Variants in GALNT13 observed in about 807,000 individuals in gnomAD.
GALNT13 encodes UDP-GalNAc:polypeptide N-acetylgalactosaminyltransferase 13.
Under a neutral mutation model 64.2 loss-of-function variants are expected in GALNT13, and 28 were observed. That is an observed-to-expected ratio of 0.44 (90% CI 0.32 to 0.60). The LOEUF (loss-of-function observed/expected upper bound fraction) is 0.60, where lower values mean the gene tolerates loss of function less well. Among genes scored for constraint, GALNT13 ranks in the 20% least tolerant of loss-of-function variants. The probability of loss-of-function intolerance (pLI) is 0.05; values close to 1 mark genes in which losing one functional copy is unlikely to be tolerated. For missense variants in GALNT13, 577 were observed against 669.8 expected, an observed-to-expected ratio of 0.86 and a Z score of 1.53; for synonymous variants, 214 against 224.6, an observed-to-expected ratio of 0.95 and a Z score of 0.42.
the GALNT13 span, among the ~76,000 whole-genome samples, chr2:153,809,985 C>T: frequency 2.0e-5 from 3 of 152,046 alleles, no homozygotes; most frequent in East Asian, 5.8e-4. Flanking sequence ...TGTTTTGAGA[C>T]AGAGTTGCTC....
chr2:153,408,942 C>A, the GALNT13 span, among the ~76,000 whole-genome samples: 1 of 152,226 alleles, frequency 6.6e-6, no homozygotes, highest in South Asian at 2.1e-4. Flanking sequence ...CAGCTAGAAA[C>A]AGCAGGCAGA....
intron 9 of GALNT13, among the ~76,000 whole-genome samples, chr2:154,343,334 T>C (rs929357098): frequency 1.1e-4 from 16 of 152,054 alleles, no homozygotes; most frequent in African/African-American, 2.9e-4. Context: ...AGTAAATATA[T>C]ATATTTGCTT....
At chr2:154,144,039 A>G (rs1382174386) in intron 4 of GALNT13, among the ~76,000 whole-genome samples, 1 of 152,160 alleles carries the variant, frequency 6.6e-6, no homozygotes, top group African/African-American at 2.4e-5. Context: ...AAAATCCTGT[A>G]TATACTGTGG....
At chr2:153,903,745 C>A (rs1688383419) in intron 2 of GALNT13, among the ~76,000 whole-genome samples, 1 of 151,890 alleles carries the variant, frequency 6.6e-6, no homozygotes, top group Non-Finnish European at 1.5e-5. Flanking sequence ...TTCTATTTTT[C>A]AATTTCACCT....
At chr2:153,225,064 A>T in the GALNT13 span, among the ~76,000 whole-genome samples, 1 of 152,222 alleles carries the variant, frequency 6.6e-6, no homozygotes, top group South Asian at 2.1e-4. Context: ...TCTCATGAAC[A>T]TATAGGTAAA....
chr2:153,204,176 C>T, the GALNT13 span, among the ~76,000 whole-genome samples: 1 of 152,210 alleles, frequency 6.6e-6, no homozygotes, highest in Non-Finnish European at 1.5e-5. Context: ...TTAGGAAACT[C>T]CCAAATTGTC....
the GALNT13 span, among the ~76,000 whole-genome samples, chr2:153,077,315 ATTATAT>A: frequency 5.8e-4 from 89 of 152,240 alleles, no homozygotes; most frequent in African/African-American, 2.0e-3. Context: ...TTGGAATTCT[ATTATAT>A]TTATATATCT....
At chr2:153,939,282 G>A (rs1377121057) in intron 2 of GALNT13, among the ~76,000 whole-genome samples, 4 of 152,162 alleles carry the variant, frequency 2.6e-5, no homozygotes, top group Non-Finnish European at 4.4e-5. Flanking sequence ...AATCGCACAT[G>A]CCCTGAGGCA....
At chr2:153,693,189 C>T in the GALNT13 span, among the ~76,000 whole-genome samples, 3 of 152,150 alleles carry the variant, frequency 2.0e-5, no homozygotes, top group African/African-American at 7.2e-5. Flanking sequence ...ATCTCTGGTA[C>T]TTGAAATTTA....
At chr2:153,602,430 G>A in the GALNT13 span, among the ~76,000 whole-genome samples, 3 of 151,632 alleles carry the variant, frequency 2.0e-5, no homozygotes, top group Admixed American at 2.0e-4. Context: ...TGGGTAGGGG[G>A]GCAGGTGGTT....
At chr2:153,468,968 A>G in the GALNT13 span, among the ~76,000 whole-genome samples, 1 of 152,138 alleles carries the variant, frequency 6.6e-6, no homozygotes, top group Non-Finnish European at 1.5e-5. Flanking sequence ...CTGGATAATT[A>G]GCTATTGGGT....
At chr2:153,555,218 G>A in the GALNT13 span, among the ~76,000 whole-genome samples, 2 of 89,580 alleles carry the variant, frequency 2.2e-5, no homozygotes, top group African/African-American at 4.9e-5. Flanking sequence ...TTTTTGAGAC[G>A]GAGTCTTGCT....
At chr2:153,255,742 A>G in the GALNT13 span, among the ~76,000 whole-genome samples, 1 of 152,140 alleles carries the variant, frequency 6.6e-6, no homozygotes, top group South Asian at 2.1e-4. Context: ...GTTTGGCTGG[A>G]TATGAAATTC....
chr2:153,120,414 C>G, the GALNT13 span, among the ~76,000 whole-genome samples: 1 of 152,166 alleles, frequency 6.6e-6, no homozygotes, highest in Non-Finnish European at 1.5e-5. Context: ...TTTTAAGTTT[C>G]TCCTTGAGTG....
the GALNT13 span, among the ~76,000 whole-genome samples, chr2:153,531,467 C>T: frequency 0.011 from 1,607 of 152,276 alleles, 29 homozygotes; most frequent in African/African-American, 0.037. Context: ...GATCACCTCC[C>T]ACCAGTCTCC....
the GALNT13 span, among the ~76,000 whole-genome samples, chr2:153,331,760 C>G: frequency 6.6e-6 from 1 of 152,080 alleles, no homozygotes; most frequent in Non-Finnish European, 1.5e-5. Flanking sequence ...CAGACATACC[C>G]AAGATCAATA....
At chr2:153,210,971 G>C in the GALNT13 span, among the ~76,000 whole-genome samples, 2 of 152,110 alleles carry the variant, frequency 1.3e-5, no homozygotes, top group East Asian at 1.9e-4. Flanking sequence ...AACCTATGCT[G>C]TACAGAAAAT....
At chr2:153,853,713 TTA>T in the GALNT13 span, among the ~76,000 whole-genome samples, 1 of 150,144 alleles carries the variant, frequency 6.7e-6, no homozygotes, top group Non-Finnish European at 1.5e-5. Context: ...TATCATATAA[TTA>T]TATATTACAA....
At chr2:153,570,979 T>TC in the GALNT13 span, among the ~76,000 whole-genome samples, 1 of 151,944 alleles carries the variant, frequency 6.6e-6, no homozygotes, top group Non-Finnish European at 1.5e-5. Flanking sequence ...TTTTTTTTTT[T>TC]CTATTTCTGT....
Sources: allele counts gnomAD v4.1 joint callset (sites outside exome capture counted in the v4.1 genomes callset), GRCh38; gene constraint gnomAD v4.1.1; transcripts MANE v1.5; gene names NCBI Gene and HGNC (gene_info 2026-07-23, HGNC 2026-07-21).